Variants in SYNE1 observed in about 807,000 individuals in gnomAD.
SYNE1 encodes nesprin-1.
A neutral mutation model predicts 1,111.0 loss-of-function variants in SYNE1; 616 were observed. That is an observed-to-expected ratio of 0.55 (90% CI 0.52 to 0.59). SYNE1 has a LOEUF of 0.59. Among genes scored for constraint, SYNE1 ranks in the 20% least tolerant of loss-of-function variants. The pLI, the probability that SYNE1 is intolerant of heterozygous loss-of-function variation, is 0.00. For synonymous variants in SYNE1, 3,855 were observed against 3,825.8 expected, an observed-to-expected ratio of 1.01 and a Z score of -0.28; for missense variants, 10,006 against 10,417.0, an observed-to-expected ratio of 0.96 and a Z score of 1.72.
At chr6:152,573,792 C>G (rs548866655) in intron 3 of SYNE1, among the ~76,000 whole-genome samples, 68 of 152,064 alleles carry the variant, frequency 4.5e-4, no homozygotes, top group Non-Finnish European at 9.3e-4. Flanking sequence ...AGAAAATGAT[C>G]AAACTAACAG....
At position 152,268,786 on chromosome 6, in the gene SYNE1, C is replaced by T. The variant is rs139232958; in HGVS notation, c.18705+369G>A. ...AAACTGCATTCATTAAAAAAAATAA[C>T]AAACATGCAACTTACACTTTCACCA... On this transcript the variant is annotated intron_variant, in intron 99 of 145. Coordinates refer to ENST00000367255, the MANE Select transcript of SYNE1 (RefSeq NM_182961.4). Among the ~76,000 whole-genome samples, 475 of 152,038 alleles carry T rather than the reference C, an allele frequency of 3.1e-3. 1 individual carries two copies. The highest frequency in any genetic ancestry group is 5.6e-3 in the Non-Finnish European group (379 of 67,934).
At chr6:152,484,372 T>C (rs2098928366) in intron 13 of SYNE1, among the ~76,000 whole-genome samples, 1 of 152,012 alleles carries the variant, frequency 6.6e-6, no homozygotes, top group Admixed American at 6.6e-5. Flanking sequence ...CATGATCAGA[T>C]AAAAAAAGAT....
At chr6:152,398,501 G>T in intron 49 of SYNE1, 118 bp downstream of exon 49, 1 of 828,702 alleles carries the variant, frequency 1.2e-6, no homozygotes, top group Non-Finnish European at 2.1e-6. Flanking sequence ...GCCTAATTCT[G>T]TTAGGGACGA....
chr6:152,412,281 G>A (rs1038110107), intron 42 of SYNE1, among the ~76,000 whole-genome samples: 14 of 152,002 alleles, frequency 9.2e-5, no homozygotes, highest in African/African-American at 3.4e-4. Context: ...AAAATTAGCT[G>A]GGTGTGGTGG....
intron 6 of SYNE1, among the ~76,000 whole-genome samples, chr6:152,515,180 C>T (rs144780763): frequency 1.3e-5 from 2 of 151,348 alleles, no homozygotes; most frequent in African/African-American, 4.9e-5. Context: ...CTAGTTTGTG[C>T]CTCTGCACTC....
intron 3 of SYNE1, among the ~76,000 whole-genome samples, chr6:152,610,898 T>C (rs1030303360): frequency 2.3e-4 from 35 of 152,128 alleles, no homozygotes; most frequent in Middle Eastern, 6.3e-3. Context: ...CAAACTAATC[T>C]TCATAAGTTA....
At chr6:152,536,529 C>A (rs376590982) in intron 4 of SYNE1, among the ~76,000 whole-genome samples, 1 of 148,164 alleles carries the variant, frequency 6.7e-6, no homozygotes, top group African/African-American at 2.5e-5. Context: ...TACTCATCAG[C>A]TCGCTAGAGT....
chr6:152,454,841 G>A (rs2098683324), intron 24 of SYNE1, among the ~76,000 whole-genome samples: 1 of 152,166 alleles, frequency 6.6e-6, no homozygotes, highest in African/African-American at 2.4e-5. Flanking sequence ...CCACTGAAAT[G>A]TCAGGAAAGA....
At position 152,350,191 on chromosome 6, in the gene SYNE1, T is replaced by C. The variant is rs765839548; in HGVS notation, c.11878A>G (p.Thr3960Ala). Residue 3960 changes from threonine to alanine, a missense_variant, in exon 72 of 146, where the codon ACC becomes GCC. Around this residue, in one of 7 missense-constraint regions of SYNE1, gnomAD observed 4,955 missense variants for 5,017.2 expected, o/e 0.99. Transcript: ENST00000367255. ...ACCTTGTGGTGGGCCAATTGCTGGG[T>C]GATTGTCTCCAGGCTGCTTGTCTCC... ...LLETSSLETITQQLAHHKAMM... is the reference protein window; with the variant it reads ...LLETSSLETIAQQLAHHKAMM... The C allele has an allele frequency of 1.9e-6, 3 of 1,613,566 alleles. No individual in the cohort carries two copies. Among genetic ancestry groups the C allele is most frequent in the Middle Eastern group, 1.8e-4 (1 of 5,618 alleles).
chr6:152,479,710 C>T (rs1401937450), intron 14 of SYNE1, among the ~76,000 whole-genome samples: 1 of 152,086 alleles, frequency 6.6e-6, no homozygotes, highest in Non-Finnish European at 1.5e-5. Flanking sequence ...TGTTATTTTT[C>T]TAGATAACTG....
chr6:152,178,823 G>A (rs1001784379), intron 129 of SYNE1, among the ~76,000 whole-genome samples: 3 of 151,368 alleles, frequency 2.0e-5, no homozygotes, highest in African/African-American at 4.9e-5. Context: ...ATGGTGATAT[G>A]TACTAATGAG....
At chr6:152,581,113 A>G (rs1041544317) in intron 3 of SYNE1, among the ~76,000 whole-genome samples, 4 of 152,222 alleles carry the variant, frequency 2.6e-5, no homozygotes, top group Non-Finnish European at 5.9e-5. Flanking sequence ...CTCAGGAACT[A>G]CTGATGTGTG....
chr6:152,363,666 C>G, intron 63 of SYNE1: 1 of 452,142 alleles, frequency 2.2e-6, no homozygotes, highest in South Asian at 1.6e-5. Context: ...CACTGCAGCA[C>G]AGTCCAGTTG....
intron 36 of SYNE1, among the ~76,000 whole-genome samples, chr6:152,428,983 C>T (rs2098401739): frequency 6.6e-6 from 1 of 151,724 alleles, no homozygotes; most frequent in Non-Finnish European, 1.5e-5. Context: ...TATTTAAAAA[C>T]CCTATTCTTA....
Position 152,484,723 on chromosome 6 carries a change from T to C in SYNE1, c.1185+112A>G, listed in dbSNP as rs1015176524. 2.9e-5 allele frequency: 34 copies of C among 1,174,206 alleles called. No individual in the cohort carries two copies. In the Admixed American group the frequency reaches 6.2e-4, roughly 21 times the overall value. 72.7% of individuals were successfully genotyped at this position (1,174,206 alleles called of 1,614,324 possible). A position where few individuals can be genotyped will look rare whatever the true frequency, so the allele number is the denominator to read the frequency against. On this transcript the variant is annotated intron_variant, in intron 13 of 145. Coordinates refer to ENST00000367255, the MANE Select transcript of SYNE1 (RefSeq NM_182961.4). ...CTCCCATAGTTAAGTCTTTCTAGCC[T>C]CAGACAGAGGCAGTAGAACCTGTTG...
intron 51 of SYNE1, 27 bp from the exon 52 acceptor site, chr6:152,391,595 GA>G (rs780985642): frequency 2.4e-5 from 33 of 1,352,074 alleles, no homozygotes; most frequent in Admixed American, 6.8e-5. Context: ...AAAAAAAAAA[GA>G]AAAAAAATTA....
chr6:152,216,880 AC>A lies in SYNE1; in HGVS notation c.22191+1376del, dbSNP rs542915398. The stretch of plus-strand genomic sequence containing the variant: ...ACCAGCCTGGCCAACATAGTGAACC[AC>A]CCCCCTCTCCATCTCTACTAAAAAT... On this transcript the variant is annotated intron_variant, in intron 121 of 145. Transcript: ENST00000367255. 6.7e-4 allele frequency among the ~76,000 whole-genome samples: 100 copies of A among 150,198 alleles called. 1 individual carries two copies. Among genetic ancestry groups the A allele is most frequent in the African/African-American group, 1.8e-3 (75 of 40,832 alleles).
intron 3 of SYNE1, among the ~76,000 whole-genome samples, chr6:152,554,587 G>C (rs2099358842): frequency 6.6e-6 from 1 of 152,030 alleles, no homozygotes; most frequent in Non-Finnish European, 1.5e-5. Flanking sequence ...TAATTCATAT[G>C]CTTCCTCAGT....
intron 3 of SYNE1, among the ~76,000 whole-genome samples, chr6:152,604,160 A>ATG (rs34756749): frequency 0.29 from 42,383 of 148,682 alleles, 6,561 homozygotes; most frequent in African/African-American, 0.42. Context: ...AACCCTTTAT[A>ATG]TGTGTGTGTG....
Sources: gnomAD v4.1 joint callset for allele counts (sites outside exome capture counted in the v4.1 genomes callset) on GRCh38, gnomAD v4.1.1 for gene constraint, gnomAD v4.1.1 regional missense constraint, MANE v1.5 for transcripts, NCBI Gene and HGNC (gene_info 2026-07-23, HGNC 2026-07-21) for gene names.